Variants in DHX40 observed in about 807,000 individuals in gnomAD.
DHX40 encodes the protein DEAH-box helicase 40, also known as probable ATP-dependent RNA helicase DHX40.
Under a neutral mutation model 89.6 loss-of-function variants are expected in DHX40, and 28 were observed. The observed-to-expected ratio is 0.31, with a 90% CI of 0.23 to 0.43. The LOEUF (loss-of-function observed/expected upper bound fraction) is 0.43, where lower values mean the gene tolerates loss of function less well. Ranked by LOEUF, DHX40 falls within the 20% of genes least tolerant of loss-of-function variation. The probability of loss-of-function intolerance (pLI) is 1.00; values close to 1 mark genes in which losing one functional copy is unlikely to be tolerated. For missense variants in DHX40, 457 were observed against 844.0 expected (o/e 0.54, Z 5.68); for synonymous variants, 226 against 283.6 (o/e 0.80, Z 2.04).
chr17:59,576,009 C>G (rs1335975344), intron 7 of DHX40, among the ~76,000 whole-genome samples: 2 of 147,154 alleles, frequency 1.4e-5, no homozygotes, highest in African/African-American at 5.0e-5. Flanking sequence ...CCTTCCTCAG[C>G]CTCCCAAGTA....
intron 15 of DHX40, 170 bp from the exon 16 acceptor site, chr17:59,604,941 AATTT>A (rs1368888767): frequency 5.0e-6 from 3 of 603,882 alleles, no homozygotes; most frequent in East Asian, 2.8e-5. Context: ...CTGTATAATT[AATTT>A]AAGATGAATT....
chr17:59,607,172 A>AG lies in DHX40; in HGVS notation c.*2dup. ...GTGACACACGAAAGGAAACAGGCTAAGGTGGTGAACCCTCCAATTCAGGAA... is the reference window on the plus strand; with the variant it reads ...GTGACACACGAAAGGAAACAGGCTAAGGGTGGTGAACCCTCCAATTCAGGAA... On this transcript the variant is annotated 3_prime_UTR_variant, in exon 18 of 18. Transcript: ENST00000251241. The AG allele has an allele frequency of 6.2e-7, 1 of 1,614,230 alleles. No homozygotes were observed. Among genetic ancestry groups the AG allele is most frequent in the African/African-American group, 1.3e-5 (1 of 75,062 alleles).
chr17:59,574,566 C>T (rs2143231369), intron 6 of DHX40, among the ~76,000 whole-genome samples: 1 of 150,148 alleles, frequency 6.7e-6, no homozygotes, highest in South Asian at 2.1e-4. Flanking sequence ...TATACACACA[C>T]ATATATGTCA....
chr17:59,607,213 A>C lies in DHX40; in HGVS notation c.*41A>C. ...AATTCAGGAAGTGGGAAAAGGAGCCAGGAAATGTGCTTCTACTTTGCCAGT... is the reference window on the plus strand; with the variant it reads ...AATTCAGGAAGTGGGAAAAGGAGCCCGGAAATGTGCTTCTACTTTGCCAGT... On this transcript the variant is annotated 3_prime_UTR_variant, in exon 18 of 18. Coordinates refer to ENST00000251241, the MANE Select transcript of DHX40 (RefSeq NM_024612.5). The C allele has an allele frequency of 6.2e-7, 1 of 1,614,222 alleles. No homozygotes were observed. The highest frequency in any genetic ancestry group is 8.5e-7 in the Non-Finnish European group (1 of 1,180,044).
chr17:59,601,631 T>A (rs1472310424), intron 14 of DHX40, among the ~76,000 whole-genome samples: 1 of 152,222 alleles, frequency 6.6e-6, no homozygotes, highest in African/African-American at 2.4e-5. Context: ...CTGTGTCAGT[T>A]CTAGGTTGAT....
intron 3 of DHX40, among the ~76,000 whole-genome samples, chr17:59,571,544 C>T (rs905102347): frequency 6.6e-6 from 1 of 151,524 alleles, no homozygotes; most frequent in African/African-American, 2.4e-5. Context: ...CAAACAGAAA[C>T]TCTTATAGAT....
chr17:59,601,436 C>G (rs541113890), intron 14 of DHX40, among the ~76,000 whole-genome samples: 91 of 152,102 alleles, frequency 6.0e-4, no homozygotes, highest in African/African-American at 2.0e-3. Flanking sequence ...AATCTTTTCT[C>G]CTGCAGTGTC....
At chr17:59,587,128 C>T (rs1362815884) in intron 11 of DHX40, among the ~76,000 whole-genome samples, 1 of 150,904 alleles carries the variant, frequency 6.6e-6, no homozygotes, top group Non-Finnish European at 1.5e-5. Flanking sequence ...TGCACTCCAG[C>T]CTGGGAGACG....
Position 59,575,411 on chromosome 17 carries a change from G to A in DHX40, c.913G>A (p.Val305Ile), listed in dbSNP as rs1271253165. 5 of 1,612,626 alleles carry A rather than the reference G, an allele frequency of 3.1e-6. No homozygotes were observed. The African/African-American group carries it at 5.3e-5, about 17-fold the overall frequency. ...AGAGTCTGTTGATTATGATTATGATGTTCAAGATACCACCCTCGATGGCTT... is the reference window on the plus strand; with the variant it reads ...AGAGTCTGTTGATTATGATTATGATATTCAAGATACCACCCTCGATGGCTT... The part of the protein sequence containing the change: ...MAESVDYDYD[V>I]QDTTLDGLLI... Residue 305 changes from valine (V) to isoleucine (I), a missense_variant, in exon 7 of 18, where the codon GTT becomes ATT. Val to Ile is a conservative substitution (Grantham distance 29). Around this residue, in one of 9 missense-constraint regions of DHX40, gnomAD observed 116 missense variants for 188.9 expected, o/e 0.61. Coordinates refer to ENST00000251241, the MANE Select transcript of DHX40 (RefSeq NM_024612.5).
chr17:59,568,302 CT>C (rs1352793909), intron 2 of DHX40, among the ~76,000 whole-genome samples: 15 of 152,176 alleles, frequency 9.9e-5, no homozygotes, highest in Admixed American at 7.9e-4. Context: ...TATGACAGAA[CT>C]TTCTGTCATA....
chr17:59,600,699 T>C (rs976878309), intron 14 of DHX40, among the ~76,000 whole-genome samples: 1 of 151,818 alleles, frequency 6.6e-6, no homozygotes, highest in Non-Finnish European at 1.5e-5. Flanking sequence ...TTAAAATAAT[T>C]AGCTTGTTGT....
chr17:59,571,633 C>T (rs956877186), intron 3 of DHX40, among the ~76,000 whole-genome samples: 5 of 150,772 alleles, frequency 3.3e-5, no homozygotes, highest in South Asian at 2.1e-4. Flanking sequence ...CACCATTGCC[C>T]GGGCTGGAGT....
chr17:59,594,075 C>T (rs1429419578), intron 12 of DHX40, among the ~76,000 whole-genome samples: 2 of 152,210 alleles, frequency 1.3e-5, no homozygotes, highest in African/African-American at 4.8e-5. Context: ...GGAGTCGAGG[C>T]TCAGACATTC....
chr17:59,586,340 A>G (rs1315679950), intron 11 of DHX40, 107 bp downstream of exon 11: 1 of 981,042 alleles, frequency 1.0e-6, no homozygotes, highest in Non-Finnish European at 1.5e-6. Flanking sequence ...TTTAAATTGA[A>G]TGGATTGTTA....
chr17:59,577,402 C>G (rs572849839), intron 8 of DHX40, 37 bp downstream of exon 8: 15 of 1,539,088 alleles, frequency 9.7e-6, no homozygotes, highest in East Asian at 6.8e-5. Flanking sequence ...GTCAAGGAAG[C>G]CTATCGTTAC....
At chr17:59,598,053 G>T (rs1450892202) in intron 12 of DHX40, among the ~76,000 whole-genome samples, 10 of 151,450 alleles carry the variant, frequency 6.6e-5, no homozygotes, top group Non-Finnish European at 1.3e-4. Context: ...ATTTTGTAGA[G>T]ACAGGATCTT....
At chr17:59,599,506 T>C in intron 14 of DHX40, 23 bp downstream of exon 14, 3 of 1,609,084 alleles carry the variant, frequency 1.9e-6, no homozygotes, top group Non-Finnish European at 2.5e-6. Context: ...ATGTTTTTTT[T>C]CTTGAGTAGC....
intron 11 of DHX40, among the ~76,000 whole-genome samples, chr17:59,587,170 C>A (rs1040584461): frequency 2.7e-5 from 4 of 149,850 alleles, no homozygotes; most frequent in South Asian, 2.1e-4. Flanking sequence ...AAAAAAAAAA[C>A]GGTAAAATTG....
At chr17:59,588,241 A>AAAAAAAAAAAAAAAAAACC (rs1367090814) in intron 12 of DHX40, among the ~76,000 whole-genome samples, 188 bp downstream of exon 12, 1 of 146,066 alleles carries the variant, frequency 6.8e-6, no homozygotes, top group African/African-American at 2.7e-5. Context: ...AAAAAAAAAA[A>AAAAAAAAAAAAAAAAAACC]CCAAAAACAA....
Sources: allele counts gnomAD v4.1 joint callset (sites outside exome capture counted in the v4.1 genomes callset), GRCh38; gene constraint gnomAD v4.1.1; regional missense constraint gnomAD v4.1.1; transcripts MANE v1.5; gene names NCBI Gene and HGNC (gene_info 2026-07-23, HGNC 2026-07-21).